Variants in PLPPR1 observed in about 807,000 individuals in gnomAD.
The protein encoded by PLPPR1 is phospholipid phosphatase-related protein type 1.
PLPPR1 carries 10 observed loss-of-function variants against 33.1 expected under a neutral mutation model. That is an observed-to-expected ratio of 0.30 (90% CI 0.19 to 0.51). The LOEUF is 0.51. Ranked by LOEUF, PLPPR1 falls within the 20% of genes least tolerant of loss-of-function variation. The pLI, the probability that PLPPR1 is intolerant of heterozygous loss-of-function variation, is 0.97. For synonymous variants in PLPPR1, 151 were observed against 151.0 expected, an observed-to-expected ratio of 1.00 and a Z score of 0.00; for missense variants, 304 against 408.1, an observed-to-expected ratio of 0.74 and a Z score of 2.20.
At chr9:101,178,469 A>G (rs562661993) in intron 1 of PLPPR1, among the ~76,000 whole-genome samples, 13 of 152,290 alleles carry the variant, frequency 8.5e-5, no homozygotes, top group Admixed American at 2.6e-4. Context: ...CCTTCACGCA[A>G]TGCTTCTGGC....
intron 1 of PLPPR1, among the ~76,000 whole-genome samples, chr9:101,057,408 C>T (rs778532170): frequency 6.6e-6 from 1 of 152,114 alleles, no homozygotes; most frequent in East Asian, 1.9e-4. Context: ...TGGATTATTT[C>T]TCTAAAATGA....
intron 1 of PLPPR1, among the ~76,000 whole-genome samples, chr9:101,070,130 C>T (rs1378609035): frequency 6.6e-6 from 1 of 152,226 alleles, no homozygotes; most frequent in South Asian, 2.1e-4. Flanking sequence ...AAGGAATTCA[C>T]TATGCACATT....
chr9:101,203,409 C>T (rs1240284685), intron 2 of PLPPR1, among the ~76,000 whole-genome samples: 2 of 152,066 alleles, frequency 1.3e-5, no homozygotes, highest in Non-Finnish European at 2.9e-5. Context: ...GGCCAGGAAT[C>T]AGGGAATTTG....
intron 2 of PLPPR1, among the ~76,000 whole-genome samples, chr9:101,200,590 T>C (rs1826474478): frequency 6.6e-6 from 1 of 152,232 alleles, no homozygotes; most frequent in African/African-American, 2.4e-5. Flanking sequence ...ACTTATTACC[T>C]AATTAAAACT....
chr9:101,173,425 A>G (rs1564165594), intron 1 of PLPPR1, among the ~76,000 whole-genome samples: 1 of 152,228 alleles, frequency 6.6e-6, no homozygotes, highest in East Asian at 1.9e-4. Context: ...TAAATAGCTC[A>G]CAGGCTCTAG....
At chr9:101,241,517 C>G (rs1827464571) in intron 2 of PLPPR1, among the ~76,000 whole-genome samples, 1 of 152,102 alleles carries the variant, frequency 6.6e-6, no homozygotes. Context: ...CACATGCAGC[C>G]TATGGGCTGC....
intron 4 of PLPPR1, among the ~76,000 whole-genome samples, chr9:101,291,036 GA>G (rs1301523440): frequency 6.6e-6 from 1 of 152,236 alleles, no homozygotes; most frequent in Non-Finnish European, 1.5e-5. Flanking sequence ...CCTAGTCAAA[GA>G]AAGGGGTGAA....
intron 1 of PLPPR1, among the ~76,000 whole-genome samples, chr9:101,090,734 C>CAA (rs934910847): frequency 6.6e-6 from 1 of 151,170 alleles, no homozygotes; most frequent in Non-Finnish European, 1.5e-5. Context: ...AACAAACAAA[C>CAA]AAACAAACAA....
intron 1 of PLPPR1, among the ~76,000 whole-genome samples, chr9:101,090,596 G>A (rs1022044725): frequency 1.3e-5 from 2 of 151,986 alleles, no homozygotes; most frequent in African/African-American, 4.8e-5. Context: ...TCACGTCTCC[G>A]TTTTTTAACT....
intron 3 of PLPPR1, among the ~76,000 whole-genome samples, chr9:101,272,650 T>C (rs186137472): frequency 9.8e-4 from 149 of 152,278 alleles, no homozygotes; most frequent in Non-Finnish European, 1.7e-3. Flanking sequence ...AATAGACAAC[T>C]AACAACCAGC....
At chr9:101,090,263 TA>T (rs1830725869) in intron 1 of PLPPR1, among the ~76,000 whole-genome samples, 3 of 152,284 alleles carry the variant, frequency 2.0e-5, no homozygotes, top group South Asian at 4.1e-4. Context: ...TTCTGAGGTA[TA>T]GGGGGTTGTG....
intron 1 of PLPPR1, among the ~76,000 whole-genome samples, chr9:101,108,891 A>G (rs1190957874): frequency 2.0e-5 from 3 of 152,050 alleles, no homozygotes; most frequent in East Asian, 1.9e-4. Context: ...CAGTTTATCA[A>G]TATTATTTAC....
At chr9:101,181,289 A>G (rs1383874526) in intron 1 of PLPPR1, among the ~76,000 whole-genome samples, 1 of 150,664 alleles carries the variant, frequency 6.6e-6, no homozygotes, top group Non-Finnish European at 1.5e-5. Flanking sequence ...TAGAATGGCT[A>G]TTATAAAAAA....
chr9:101,093,138 C>A (rs994734405), intron 1 of PLPPR1, among the ~76,000 whole-genome samples: 4 of 152,202 alleles, frequency 2.6e-5, no homozygotes, highest in Non-Finnish European at 5.9e-5. Flanking sequence ...AGAGGCAAGT[C>A]ACCAGCTTTG....
intron 4 of PLPPR1, among the ~76,000 whole-genome samples, chr9:101,292,397 T>A (rs1031909502): frequency 3.3e-5 from 5 of 152,114 alleles, no homozygotes; most frequent in African/African-American, 1.2e-4. Context: ...ACTTCCCCAA[T>A]CTAGCAAGGC....
intron 2 of PLPPR1, among the ~76,000 whole-genome samples, chr9:101,237,836 TGC>T (rs1827341760): frequency 7.7e-6 from 1 of 129,890 alleles, no homozygotes; most frequent in African/African-American, 2.9e-5. Flanking sequence ...TATATATATA[TGC>T]TATATATGTG....
At chr9:101,076,872 C>G (rs528522822) in intron 1 of PLPPR1, among the ~76,000 whole-genome samples, 28 of 152,312 alleles carry the variant, frequency 1.8e-4, no homozygotes, top group Middle Eastern at 6.8e-3. Flanking sequence ...TGTTCTAGAA[C>G]AAGTCTTCTT....
chr9:101,204,607 T>G (rs748267371), intron 2 of PLPPR1, among the ~76,000 whole-genome samples: 2 of 152,168 alleles, frequency 1.3e-5, no homozygotes, highest in Non-Finnish European at 2.9e-5. Flanking sequence ...GGCTACTGTG[T>G]GCACTTCCCT....
intron 1 of PLPPR1, among the ~76,000 whole-genome samples, chr9:101,055,135 C>T (rs941430533): frequency 1.3e-5 from 2 of 152,196 alleles, no homozygotes; most frequent in Admixed American, 6.5e-5. Context: ...GGGCTTTTCA[C>T]ACTTTGAATA....
Sources: gnomAD v4.1 joint callset for allele counts (sites outside exome capture counted in the v4.1 genomes callset) on GRCh38, gnomAD v4.1.1 for gene constraint, MANE v1.5 for transcripts, NCBI Gene and HGNC (gene_info 2026-07-23, HGNC 2026-07-21) for gene names.